Variants in MTA3 observed in about 807,000 individuals in gnomAD.
MTA3 encodes metastasis associated 1 family member 3.
In MTA3, 34 loss-of-function variants were observed where a neutral mutation model predicts 83.5. The observed-to-expected ratio is 0.41, with a 90% CI of 0.31 to 0.54. MTA3 has a LOEUF of 0.54. MTA3 is among the 20% of genes least tolerant of loss of function. The probability of loss-of-function intolerance (pLI) is 0.33; values close to 1 mark genes in which losing one functional copy is unlikely to be tolerated. For missense variants in MTA3, 761 were observed against 726.4 expected, an observed-to-expected ratio of 1.05 and a Z score of -0.55; for synonymous variants, 303 against 252.7, an observed-to-expected ratio of 1.20 and a Z score of -1.89.
chr2:42,548,810 A>AAAT (rs1378498420), intron 2 of MTA3, among the ~76,000 whole-genome samples: 8 of 66,492 alleles, frequency 1.2e-4, no homozygotes, highest in African/African-American at 6.1e-4. Flanking sequence ...CTCAAAAAAA[A>AAAT]ATATATATAT....
intron 2 of MTA3, among the ~76,000 whole-genome samples, chr2:42,525,716 G>C (rs530585735): frequency 6.6e-6 from 1 of 151,432 alleles, no homozygotes; most frequent in East Asian, 1.9e-4. Context: ...GGAGCACAGT[G>C]GCACAATCTC....
At chr2:42,517,544 G>GTGAGACT (rs1675201629) in intron 2 of MTA3, among the ~76,000 whole-genome samples, 3 of 146,070 alleles carry the variant, frequency 2.1e-5, no homozygotes, top group East Asian at 2.0e-4. Context: ...TTGCACTCCA[G>GTGAGACT]CCTTGGGGAC....
intron 2 of MTA3, among the ~76,000 whole-genome samples, chr2:42,538,150 G>T (rs964719661): frequency 6.6e-6 from 1 of 151,860 alleles, no homozygotes; most frequent in Non-Finnish European, 1.5e-5. Context: ...GGAGAATGGC[G>T]TGAACCCGGG....
Position 42,646,597 on chromosome 2 carries a change from T to C in MTA3, c.499+2353T>C, listed in dbSNP as rs578181786. On this transcript the variant is annotated intron_variant, in intron 6 of 16. Coordinates refer to ENST00000405094, the MANE Select transcript of MTA3 (RefSeq NM_001330442.2). ...TCAGTGGTGGAAGTAACTGTAGTTA[T>C]GGTGGATATAATATGCAAGAAAACT... is the stretch of plus-strand genomic sequence containing the variant. Among the ~76,000 whole-genome samples the C allele has an allele frequency of 6.6e-5, 10 of 152,316 alleles. No individual in the cohort carries two copies. The South Asian group carries it at 1.2e-3, about 19-fold the overall frequency.
intron 3 of MTA3, among the ~76,000 whole-genome samples, chr2:42,594,699 A>C (rs12052461): frequency 6.7e-5 from 5 of 74,572 alleles, no homozygotes; most frequent in East Asian, 6.5e-4. Flanking sequence ...TACATATATA[A>C]ATATACATAT....
chr2:42,568,745 C>T lies in MTA3; in HGVS notation c.-1C>T, dbSNP rs1009280064. ...CGGGCTCCGCGGGCGGGCGGGCGGA[C>T]ATGGCGGCCAACATGTACCGGGTCG... On this transcript the variant is annotated 5_prime_UTR_variant, in exon 1 of 17. Coordinates refer to ENST00000405094, the MANE Select transcript of MTA3 (RefSeq NM_001330442.2). 7 of 1,218,390 alleles carry T rather than the reference C, an allele frequency of 5.7e-6. No homozygotes were observed. Among genetic ancestry groups the T allele is most frequent in the Non-Finnish European group, 7.1e-6 (7 of 980,312 alleles). The allele number at this position is 1,218,390 out of a possible 1,614,324, so 75.5% of individuals were successfully genotyped here.
intron 2 of MTA3, among the ~76,000 whole-genome samples, chr2:42,553,895 A>AACG (rs1247626000): frequency 1.3e-5 from 2 of 149,962 alleles, no homozygotes; most frequent in Non-Finnish European, 3.0e-5. Context: ...AAAGAAAAAA[A>AACG]AACGAAAGAA....
intron 6 of MTA3, among the ~76,000 whole-genome samples, chr2:42,644,657 C>T (rs1688007058): frequency 6.6e-6 from 1 of 152,106 alleles, no homozygotes; most frequent in Admixed American, 6.5e-5. Flanking sequence ...GCCATTTTTC[C>T]AACAGGACAG....
intron 2 of MTA3, among the ~76,000 whole-genome samples, chr2:42,538,936 G>C (rs1323017488): frequency 2.0e-5 from 3 of 149,544 alleles, no homozygotes; most frequent in African/African-American, 7.4e-5. Flanking sequence ...CACCGTGCCC[G>C]GCTAATTTTT....
At chr2:42,636,766 A>G (rs896841477) in intron 4 of MTA3, among the ~76,000 whole-genome samples, 3 of 151,282 alleles carry the variant, frequency 2.0e-5, no homozygotes, top group Non-Finnish European at 4.4e-5. Context: ...AGCTGGGACT[A>G]CAGGCGTGTG....
At chr2:42,536,170 C>G (rs1438143857) in intron 2 of MTA3, among the ~76,000 whole-genome samples, 1 of 149,108 alleles carries the variant, frequency 6.7e-6, no homozygotes, top group African/African-American at 2.5e-5. Context: ...CTCCCCCGGG[C>G]CATATGAAAA....
intron 4 of MTA3, among the ~76,000 whole-genome samples, chr2:42,611,218 C>T (rs1441473784): frequency 3.3e-5 from 5 of 151,770 alleles, no homozygotes; most frequent in Non-Finnish European, 5.9e-5. Context: ...CTCCTGACCT[C>T]GTGATCCACC....
chr2:42,577,134 A>ATATATATAT (rs1558451250), intron 2 of MTA3, among the ~76,000 whole-genome samples: 4 of 96,708 alleles, frequency 4.1e-5, no homozygotes, highest in African/African-American at 1.7e-4. Flanking sequence ...ATATATATAT[A>ATATATATAT]AAAATGAACT....
intron 16 of MTA3, among the ~76,000 whole-genome samples, chr2:42,739,748 C>T (rs6747869): frequency 6.6e-6 from 1 of 150,836 alleles, no homozygotes; most frequent in East Asian, 1.9e-4. Flanking sequence ...GCTTTACCAA[C>T]TAAGTTTATG....
chr2:42,700,026 G>A (rs1693728711), intron 11 of MTA3, among the ~76,000 whole-genome samples: 1 of 152,044 alleles, frequency 6.6e-6, no homozygotes, highest in South Asian at 2.1e-4. Context: ...AGAGGAGTGT[G>A]TTTCAGGGAG....
rs191698450 is a variant in MTA3, at chr2:42,506,710, C to T, written c.-141+11456C>T. Reference sequence around the variant, plus strand: ...AGGCTGGAGTACAGTGGCATGATCTCGGCTCACTGCAACCTCTGTCCCAAG... The same window carrying T: ...AGGCTGGAGTACAGTGGCATGATCTTGGCTCACTGCAACCTCTGTCCCAAG... On this transcript the variant is annotated intron_variant, in intron 2 of 17. Coordinates refer to the MTA3 transcript ENST00000405592. 1.9e-4 allele frequency among the ~76,000 whole-genome samples: 29 copies of T among 151,666 alleles called. No individual in the cohort carries two copies. In the Middle Eastern group the frequency reaches 0.017, roughly 90 times the overall value.
At chr2:42,747,278 G>A (rs536067187) in intron 16 of MTA3, among the ~76,000 whole-genome samples, 12 of 152,206 alleles carry the variant, frequency 7.9e-5, no homozygotes, top group African/African-American at 2.4e-4. Flanking sequence ...GGGATTACAG[G>A]TGTGAGCCAC....
At chr2:42,648,466 C>G (rs1688417227) in intron 6 of MTA3, among the ~76,000 whole-genome samples, 2 of 152,202 alleles carry the variant, frequency 1.3e-5, no homozygotes, top group African/African-American at 2.4e-5. Context: ...AGCAGCAGCA[C>G]TCTGCCAGGA....
At chr2:42,690,468 C>G (rs1444169199) in intron 9 of MTA3, among the ~76,000 whole-genome samples, 3 of 151,960 alleles carry the variant, frequency 2.0e-5, no homozygotes, top group Non-Finnish European at 2.9e-5. Context: ...TTTTTACTTC[C>G]ACAGTGTGAC....
Sources: allele counts gnomAD v4.1 joint callset (sites outside exome capture counted in the v4.1 genomes callset), GRCh38; gene constraint gnomAD v4.1.1; transcripts MANE v1.5; gene names NCBI Gene and HGNC (gene_info 2026-07-23, HGNC 2026-07-21).